AHNAK2: variants seen among roughly 807,000 people sequenced by gnomAD.
AHNAK2 encodes AHNAK nucleoprotein 2.
Under a neutral mutation model 30.7 loss-of-function variants are expected in AHNAK2, and 18 were observed. That is an observed-to-expected ratio of 0.59 (90% CI 0.41 to 0.87). AHNAK2 has a LOEUF of 0.87. AHNAK2 is among the 40% of genes least tolerant of loss of function. The pLI is 0.00. For missense variants in AHNAK2, 8,604 were observed against 7,373.0 expected, an observed-to-expected ratio of 1.17 and a Z score of -6.11; for synonymous variants, 3,590 against 3,073.8, an observed-to-expected ratio of 1.17 and a Z score of -5.56.
chr14:104,942,820 C>A lies in AHNAK2; in HGVS notation c.12631G>T (p.Gly4211Cys), dbSNP rs368844655. The stretch of plus-strand genomic sequence containing the variant: ...ACCTTGGGGAGGTGCCCTTTGAGGC[C>A]GGCTCCCTTGGGCAGGGGGCCCTCC... Reference protein sequence around the residue: ...LPEGPLPKGAGLKGHLPKVQM... With the variant: ...LPEGPLPKGACLKGHLPKVQM... Residue 4211 changes from glycine to cysteine, a missense_variant, in exon 7 of 7, where the codon GGC becomes TGC. By Grantham distance (159) the Gly-to-Cys change is radical. Coordinates refer to ENST00000333244, the MANE Select transcript of AHNAK2 (RefSeq NM_138420.4). 2 of 1,611,088 alleles carry A rather than the reference C, an allele frequency of 1.2e-6. No homozygotes were observed. The highest frequency in any genetic ancestry group is 2.2e-5 in the East Asian group (1 of 44,598).
In AHNAK2 at chr14:104,952,703, C is replaced by T; in HGVS notation, c.2748G>A (p.Leu916=). ...TGAAACTGGGCATCTCCACTTTGGGCAGGTGCACTTTGGGGCCGGCTCCCT... is the reference window on the plus strand; with the variant it reads ...TGAAACTGGGCATCTCCACTTTGGGTAGGTGCACTTTGGGGCCGGCTCCCT... The part of the protein sequence containing the change: ...VPEGAGPKVH[L]PKVEMPSFKM... The change falls in exon 7 of 7, where the codon CTG becomes CTA. Residue 916 remains leucine (L), a synonymous_variant. Transcript: ENST00000333244. 6.2e-7 allele frequency: 1 copy of T among 1,613,030 alleles called. No homozygotes were observed. Among genetic ancestry groups the T allele is most frequent in the Non-Finnish European group, 8.5e-7 (1 of 1,179,672 alleles).
Position 104,949,445 on chromosome 14 carries a change from G to T in AHNAK2, c.6006C>A (p.Ala2002=). Residue 2002 remains alanine (A), a synonymous_variant, in exon 7 of 7, where the codon GCC becomes GCA. Coordinates refer to ENST00000333244, the MANE Select transcript of AHNAK2 (RefSeq NM_138420.4). ...KFKMPSFGVS[A]PGRSIEASVD... ...CCGAGGCCTCGATGGACCTCCCTGG[G>T]GCCGATACCCCGAACGACGGCATCT... 6.3e-7 allele frequency: 1 copy of T among 1,587,866 alleles called. No homozygotes were observed. The highest frequency in any genetic ancestry group is 1.1e-5 in the South Asian group (1 of 89,880).
rs748994769 is a variant in AHNAK2 at position 104,954,652 on chromosome 14, T to A, written c.799A>T (p.Ile267Leu). 5 of 1,612,920 alleles carry A rather than the reference T, an allele frequency of 3.1e-6. No individual in the cohort carries two copies. In the East Asian group the frequency reaches 1.1e-4, roughly 36 times the overall value. Residue 267 changes from isoleucine to leucine, a missense_variant, in exon 7 of 7, where the codon ATA becomes TTA. Ile to Leu is a conservative substitution (Grantham distance 5). Transcript: ENST00000333244. This position sits in a 1 kb window ranked among gnomAD's most constrained non-coding sequence, Gnocchi z 4.3. ...GGTCCCGGCCCCCGCTTGCTCTTTA[T>A]GGATTGAAATTTTGGCCAAGAGAGC... is the stretch of plus-strand genomic sequence containing the variant. The part of the protein sequence containing the change: ...ERLSWPKFQS[I>L]KSKRGPGPQR...
intron 1 of AHNAK2, among the ~76,000 whole-genome samples, chr14:104,969,858 G>A (rs1447360764): frequency 6.6e-6 from 1 of 152,120 alleles, no homozygotes; most frequent in Non-Finnish European, 1.5e-5. Context: ...CCCCACAGAC[G>A]TCCAGGGCAG....
In AHNAK2 at chr14:104,938,734, G is replaced by A. The variant is rs781525999; in HGVS notation, c.16717C>T (p.Pro5573Ser). ...SGDLQPDTGE[P>S]FEMISSSVNV... ...ACGCTGGAAGAGATCATCTCAAATG[G>A]TTCTCCAGTGTCAGGCTGGAGATCT... Residue 5573 changes from proline to serine, a missense_variant, in exon 7 of 7, where the codon CCA becomes TCA. Pro to Ser is a moderately conservative substitution (Grantham distance 74). Transcript: ENST00000333244. 44 of 1,613,694 alleles carry A rather than the reference G, an allele frequency of 2.7e-5. 1 individual carries two copies. The East Asian group carries it at 8.9e-4, about 33-fold the overall frequency.
chr14:104,958,610 T>G (rs1403336833), intron 1 of AHNAK2, among the ~76,000 whole-genome samples: 1 of 152,176 alleles, frequency 6.6e-6, no homozygotes, highest in Non-Finnish European at 1.5e-5. Flanking sequence ...AATTTACTAC[T>G]GGGGTTCACC....
Position 104,946,891 on chromosome 14 carries a change from C to A in AHNAK2, c.8560G>T (p.Gly2854Trp). ...CGGATGTCAGTGGTCTTAAGATCCCCTTGCATGGAGGGGAAGCTCCCGTCA... is the reference window on the plus strand; with the variant it reads ...CGGATGTCAGTGGTCTTAAGATCCCATTGCATGGAGGGGAAGCTCCCGTCA... ...EADGSFPSMQ[G>W]DLKTTDIRIQ... Residue 2854 changes from glycine (G) to tryptophan (W), a missense_variant, in exon 7 of 7, where the codon GGG becomes TGG. Transcript: ENST00000333244. 1 of 1,612,576 alleles carries A rather than the reference C, an allele frequency of 6.2e-7. No individual in the cohort carries two copies. Among genetic ancestry groups the A allele is most frequent in the South Asian group, 1.1e-5 (1 of 91,030 alleles).
intron 1 of AHNAK2, among the ~76,000 whole-genome samples, chr14:104,976,098 G>A (rs909486955): frequency 5.9e-5 from 9 of 152,328 alleles, no homozygotes; most frequent in Non-Finnish European, 8.8e-5. Flanking sequence ...AGCAGGTGCA[G>A]GGTGGGGGCC....
rs200600689 is a variant in AHNAK2, at chr14:104,940,874, C to G, written c.14577G>C (p.Gln4859His). 165 of 1,612,716 alleles carry G rather than the reference C, an allele frequency of 1.0e-4. No homozygotes were observed. Among genetic ancestry groups the G allele is most frequent in the Middle Eastern group, 1.6e-4 (1 of 6,084 alleles). ...GTTTATAGAATTTAGGAAAAGATAC[C>G]TGACCAAGAGAAACAGGAATCATGG... ...LNSMIPVSLG[Q>H]VSFPKFYKPK... is the part of the protein sequence containing the mutation. The change falls in exon 7 of 7, where the codon CAG becomes CAC. Residue 4859 changes from glutamine to histidine, a missense_variant. By Grantham distance (24) the Gln-to-His change is conservative (BLOSUM62 0). Transcript: ENST00000333244. The surrounding 1 kb of genome is among the most constrained non-coding windows in gnomAD (Gnocchi z 4.4).
rs747957518 is a variant in AHNAK2, at chr14:104,947,805, A to G, written c.7646T>C (p.Val2549Ala). The G allele has an allele frequency of 6.2e-7, 1 of 1,612,324 alleles. No homozygotes were observed. Among genetic ancestry groups the G allele is most frequent in the East Asian group, 2.2e-5 (1 of 44,686 alleles). Residue 2549 changes from valine (V) to alanine (A), a missense_variant, in exon 7 of 7, where the codon GTG becomes GCG. Physicochemically the swap from Val to Ala is moderately conservative, Grantham distance 64. Transcript: ENST00000333244. ...DLEVQAGQVD[V>A]KLPEGPVPEG... ...CGGCACAGGGCCCTCTGGGAGTTTC[A>G]CGTCCACTTGGCCAGCCTGGACCTC...
Position 104,942,939 on chromosome 14 carries a change from G to T in AHNAK2, c.12512C>A (p.Ser4171Tyr), listed in dbSNP as rs1898062769. ...LKAKADVSLP[S>Y]MQGDLKTTDL... Reference sequence around the variant, plus strand: ...AGTGGTCTTGAGGTCCCCCTGCATGGAGGGGAGGCTCACGTCGGCTTTCGC... The same window carrying T: ...AGTGGTCTTGAGGTCCCCCTGCATGTAGGGGAGGCTCACGTCGGCTTTCGC... Residue 4171 changes from serine (S) to tyrosine (Y), a missense_variant, in exon 7 of 7, where the codon TCC becomes TAC. Ser to Tyr is a moderately radical substitution (Grantham distance 144). Coordinates refer to ENST00000333244, the MANE Select transcript of AHNAK2 (RefSeq NM_138420.4). 1 of 1,613,394 alleles carries T rather than the reference G, an allele frequency of 6.2e-7. No homozygotes were observed. The highest frequency in any genetic ancestry group is 1.7e-5 in the Admixed American group (1 of 59,986).
Position 104,951,347 on chromosome 14 carries a change from C to T in AHNAK2, c.4104G>A (p.Gln1368=), listed in dbSNP as rs200732898. Residue 1368 remains glutamine (Q), a synonymous_variant, in exon 7 of 7, where the codon CAG becomes CAA. Transcript: ENST00000333244. ...TGAGGTCAGTGGTCTTGAGGTCCCC[C>T]TGCATGGAGGGGAGGCTCATGTCGG... ...VEADMSLPSM[Q]GDLKTTDLSI... 2.8e-6 allele frequency: 3 copies of T among 1,075,698 alleles called. No homozygotes were observed. In the East Asian group the frequency reaches 6.8e-5, roughly 24 times the overall value. 66.6% of individuals were successfully genotyped at this position (1,075,698 alleles called of 1,614,324 possible). A position where few individuals can be genotyped will look rare whatever the true frequency, so the allele number is the denominator to read the frequency against.
chr14:104,948,584 C>G lies in AHNAK2; in HGVS notation c.6867G>C (p.Lys2289Asn). Residue 2289 changes from lysine (K) to asparagine (N), a missense_variant, in exon 7 of 7, where the codon AAG (lysine) becomes AAC (asparagine). Physicochemically the swap from Lys to Asn is moderately conservative, Grantham distance 94. Coordinates refer to ENST00000333244, the MANE Select transcript of AHNAK2 (RefSeq NM_138420.4). ...VSLPSVEVDV[K>N]APGAKLDGAR... ...CACCATCCAGCTTGGCTCCTGGGGC[C>G]TTGACGTCCACCTCCACGCTGGGCA... The G allele has an allele frequency of 6.2e-7, 1 of 1,612,610 alleles. No homozygotes were observed. Among genetic ancestry groups the G allele is most frequent in the Non-Finnish European group, 8.5e-7 (1 of 1,179,778 alleles).
At position 104,949,415 on chromosome 14, in the gene AHNAK2, A is replaced by T. The variant is rs200936018; in HGVS notation, c.6036T>A (p.Asp2012Glu). Residue 2012 changes from aspartate to glutamate, a missense_variant, in exon 7 of 7, where the codon GAT becomes GAA. Physicochemically the swap from Asp to Glu is conservative, Grantham distance 45 (BLOSUM62 2). Transcript: ENST00000333244. ...APGRSIEASV[D>E]VPAPKVEADV... is the part of the protein sequence containing the mutation. ...CGGCCTCCACCTTGGGTGCAGGCAC[A>T]TCCACCGAGGCCTCGATGGACCTCC... The T allele has an allele frequency of 3.5e-3, 5,586 of 1,586,356 alleles. 583 individuals carry two copies. Among genetic ancestry groups the T allele is most frequent in the Non-Finnish European group, 4.3e-3 (4,960 of 1,161,722 alleles).
At position 104,951,921 on chromosome 14, in the gene AHNAK2, G is replaced by T; in HGVS notation, c.3530C>A (p.Ala1177Asp). The T allele has an allele frequency of 6.2e-7, 1 of 1,610,062 alleles. No individual in the cohort carries two copies. The highest frequency in any genetic ancestry group is 8.5e-7 in the Non-Finnish European group (1 of 1,178,542). ...KFKMPSFGAS[A>D]PGKSIEASVD... ...CGAGGCCTCGATGGACTTGCCTGGGGCTGACGCCCCGAACGATGGCATCTT... is the reference window on the plus strand; with the variant it reads ...CGAGGCCTCGATGGACTTGCCTGGGTCTGACGCCCCGAACGATGGCATCTT... The change falls in exon 7 of 7, where the codon GCC becomes GAC. Residue 1177 changes from alanine to aspartate, a missense_variant. Transcript: ENST00000333244.
rs769881017 is a variant in AHNAK2 at position 104,952,103 on chromosome 14, T to C, written c.3348A>G (p.Glu1116=). ...ACACCTCCACATCAGGGGCTGTGACTTCCGCCTTGGGGCTTTTCAGGTCCA... is the reference window on the plus strand; with the variant it reads ...ACACCTCCACATCAGGGGCTGTGACCTCCGCCTTGGGGCTTTTCAGGTCCA... ...PKLDLKSPKA[E]VTAPDVEVSL... Residue 1116 remains glutamate, a synonymous_variant, in exon 7 of 7, where the codon GAA becomes GAG. Transcript: ENST00000333244. 1.9e-6 allele frequency: 3 copies of C among 1,612,194 alleles called. No individual in the cohort carries two copies. Among genetic ancestry groups the C allele is most frequent in the African/African-American group, 1.4e-5 (1 of 74,064 alleles).
Position 104,939,125 on chromosome 14 carries a change from C to T in AHNAK2, c.16326G>A (p.Gly5442=). The T allele has an allele frequency of 1.2e-6, 2 of 1,608,890 alleles. No individual in the cohort carries two copies. Among genetic ancestry groups the T allele is most frequent in the East Asian group, 2.2e-5 (1 of 44,754 alleles). The change falls in exon 7 of 7, where the codon GGG becomes GGA. Residue 5442 remains glycine, a synonymous_variant. Transcript: ENST00000333244. ...GGTCCACAGGCTGCTCCCCAGGGAC[C>T]CCAGCACCTGCCTTCAGGATGCTGG... ...WGASILKAGA[G]VPGEQPVDLN... is the part of the protein sequence containing the mutation.
rs773085168 is a variant in AHNAK2 at position 104,943,999 on chromosome 14, G to A, written c.11452C>T (p.Pro3818Ser). 1 of 1,612,768 alleles carries A rather than the reference G, an allele frequency of 6.2e-7. No homozygotes were observed. The highest frequency in any genetic ancestry group is 2.2e-5 in the East Asian group (1 of 44,704). ...FKMPSFGVSA[P>S]GKSIEASVHV... ...ACCGAGGCCTCAATGGACTTGCCTG[G>A]GGCAGACACCCCAAATGACGGCATC... Residue 3818 changes from proline (P) to serine (S), a missense_variant, in exon 7 of 7, where the codon CCA becomes TCA. Pro to Ser is a moderately conservative substitution (Grantham distance 74). Transcript: ENST00000333244.
rs746454995 is a variant in AHNAK2 at position 104,948,497 on chromosome 14, G to T, written c.6954C>A (p.Phe2318Leu). 1 of 1,610,682 alleles carries T rather than the reference G, an allele frequency of 6.2e-7. No individual in the cohort carries two copies. The highest frequency in any genetic ancestry group is 8.5e-7 in the Non-Finnish European group (1 of 1,178,650). ...ACAGCATCTTGAACTTGGGCATTTT[G>T]AACTTGCTGTCTTTGGCAGTCACGT... ...DKDVTAKDSK[F>L]KMPKFKMLSF... The change falls in exon 7 of 7, where the codon TTC (phenylalanine) becomes TTA (leucine). Residue 2318 changes from phenylalanine (F) to leucine (L), a missense_variant. Physicochemically the swap from Phe to Leu is conservative, Grantham distance 22. Coordinates refer to ENST00000333244, the MANE Select transcript of AHNAK2 (RefSeq NM_138420.4).
Sources: gnomAD v4.1 joint callset for allele counts (sites outside exome capture counted in the v4.1 genomes callset) on GRCh38, gnomAD v4.1.1 for gene constraint, Gnocchi (gnomAD v3.1) non-coding constraint, MANE v1.5 for transcripts, NCBI Gene and HGNC (gene_info 2026-07-23, HGNC 2026-07-21) for gene names.